The following ABL2 variants were observed in gnomAD, a reference collection of about 807,000 sequenced individuals.
ABL2 encodes the protein ABL proto-oncogene 2, non-receptor tyrosine kinase.
In ABL2, 49 loss-of-function variants were observed where a neutral mutation model predicts 107.7. The ratio of observed to expected loss-of-function variants is 0.45; its 90% CI spans 0.36 to 0.58. The LOEUF (loss-of-function observed/expected upper bound fraction) is 0.58. Among genes scored for constraint, ABL2 ranks in the 20% least tolerant of loss-of-function variants. The pLI is 0.00. For synonymous variants in ABL2, 549 were observed against 548.6 expected (o/e 1.00, Z -0.01); for missense variants, 1,245 against 1,457.0 (o/e 0.85, Z 2.37).
At chr1:179,150,909 C>T (rs148105944) in intron 1 of ABL2, among the ~76,000 whole-genome samples, 1 of 152,308 alleles carries the variant, frequency 6.6e-6, no homozygotes, top group Non-Finnish European at 1.5e-5. Flanking sequence ...CTGATCTCAG[C>T]AGCCATCAAT....
chr1:179,221,804 A>C (rs913328042), intron 1 of ABL2: 11 of 248,810 alleles, frequency 4.4e-5, no homozygotes, highest in Non-Finnish European at 2.5e-5. Context: ...AAAAAAAAAA[A>C]AAAACGTATT....
At chr1:179,143,862 A>G (rs1013633795) in intron 1 of ABL2, among the ~76,000 whole-genome samples, 43 of 151,524 alleles carry the variant, frequency 2.8e-4, no homozygotes, top group African/African-American at 1.0e-3. Flanking sequence ...ACGCCCAGCT[A>G]ATTTTTTGTA....
intron 1 of ABL2, among the ~76,000 whole-genome samples, chr1:179,194,326 G>T (rs2102827739): frequency 6.6e-6 from 1 of 152,198 alleles, no homozygotes; most frequent in South Asian, 2.1e-4. Flanking sequence ...AACGGGCAAA[G>T]GAAGTTTTTA....
Position 179,229,432 on chromosome 1 carries a change from C to A in ABL2, c.-35G>T. 1 of 1,476,350 alleles carries A rather than the reference C, an allele frequency of 6.8e-7. No individual in the cohort carries two copies. Among genetic ancestry groups the A allele is most frequent in the Non-Finnish European group, 8.9e-7 (1 of 1,125,048 alleles). The allele number at this position is 1,476,350 out of a possible 1,614,324, so 91.5% of individuals were successfully genotyped here. ...CGCGTACTCCCGCGCCCCCGCCGAC[C>A]CCTGGTCACATTCCTCCTCGGCTCC... On this transcript the variant is annotated 5_prime_UTR_variant, in exon 1 of 12. Coordinates refer to ENST00000502732, the MANE Select transcript of ABL2 (RefSeq NM_007314.4).
At chr1:179,161,902 A>G (rs1038064832) in intron 1 of ABL2, among the ~76,000 whole-genome samples, 6 of 152,102 alleles carry the variant, frequency 3.9e-5, no homozygotes, top group Non-Finnish European at 8.8e-5. Context: ...TCAATATAAA[A>G]TAGCTTGAGG....
rs770219453 is a variant in ABL2, at chr1:179,108,753, C to T, written c.2514G>A (p.Glu838=). 4.9e-5 allele frequency: 79 copies of T among 1,614,068 alleles called. No individual in the cohort carries two copies. Among genetic ancestry groups the T allele is most frequent in the Non-Finnish European group, 6.3e-5 (74 of 1,180,048 alleles). Residue 838 remains glutamate, a synonymous_variant, in exon 12 of 12, where the codon GAG becomes GAA. Transcript: ENST00000502732. ...TCTCCCTGCTTGGAGCAGCACTTTC[C>T]TCTGATTTTTTTGGAAGCATGTCAT... is the stretch of plus-strand genomic sequence containing the variant. ...RANDMLPKKS[E]ESAAPSRERP...
chr1:179,139,362 G>A (rs557315148), intron 1 of ABL2, among the ~76,000 whole-genome samples: 2 of 151,978 alleles, frequency 1.3e-5, no homozygotes, highest in South Asian at 2.1e-4. Context: ...CTGAGCCAGC[G>A]AGACCACGAA....
chr1:179,161,131 A>G (rs1438106403), intron 1 of ABL2, among the ~76,000 whole-genome samples: 1 of 152,204 alleles, frequency 6.6e-6, no homozygotes, highest in African/African-American at 2.4e-5. Flanking sequence ...AGGGTCATTA[A>G]CAGAGAACAT....
intron 1 of ABL2, among the ~76,000 whole-genome samples, chr1:179,183,219 G>C (rs921037717): frequency 1.1e-4 from 16 of 152,044 alleles, no homozygotes; most frequent in Non-Finnish European, 2.2e-4. Context: ...GGACACTGGA[G>C]ACTCAGTGGG....
chr1:179,108,955 C>G lies in ABL2; in HGVS notation c.2312G>C (p.Ser771Thr), dbSNP rs1653761682. The G allele has an allele frequency of 2.5e-6, 4 of 1,614,172 alleles. No homozygotes were observed. The change falls in exon 12 of 12, where the codon AGT becomes ACT. Residue 771 changes from serine to threonine, a missense_variant. Physicochemically the swap from Ser to Thr is moderately conservative, Grantham distance 58 (BLOSUM62 1). Around this residue, in one of 3 missense-constraint regions of ABL2, gnomAD observed 761 missense variants for 766.4 expected, o/e 0.99. Coordinates refer to ENST00000502732, the MANE Select transcript of ABL2 (RefSeq NM_007314.4). ...TGGAAAAGGCTTGGAAGTGTCATCACTGGCTGTGGGTTTACCTGCTCGTAA... is the reference window on the plus strand; with the variant it reads ...TGGAAAAGGCTTGGAAGTGTCATCAGTGGCTGTGGGTTTACCTGCTCGTAA... Reference protein sequence around the residue: ...LGLRAGKPTASDDTSKPFPRS... With the variant: ...LGLRAGKPTATDDTSKPFPRS...
chr1:179,195,699 C>T (rs1305738781), intron 1 of ABL2, among the ~76,000 whole-genome samples: 1 of 151,868 alleles, frequency 6.6e-6, no homozygotes, highest in Non-Finnish European at 1.5e-5. Flanking sequence ...TCATTCAGCC[C>T]TTAAATAAAA....
chr1:179,177,763 T>C (rs1023962955), intron 1 of ABL2, among the ~76,000 whole-genome samples: 2 of 152,194 alleles, frequency 1.3e-5, no homozygotes, highest in Admixed American at 6.5e-5. Context: ...GAAACCAGTA[T>C]AAAAGTAGCT....
At position 179,161,282 on chromosome 1, in the gene ABL2, C is replaced by T. The variant is rs1275277592; in HGVS notation, c.158-27908G>A. Among the ~76,000 whole-genome samples the T allele has an allele frequency of 2.0e-5, 3 of 151,206 alleles. No homozygotes were observed. The East Asian group carries it at 5.8e-4, about 29-fold the overall frequency. The stretch of plus-strand genomic sequence containing the variant: ...TCTGTAATTCCAGCTTCTTGGGAGG[C>T]TCAGGTAGGAGGATCACTTGAACTC... On this transcript the variant is annotated intron_variant, in intron 1 of 11. Coordinates refer to ENST00000502732, the MANE Select transcript of ABL2 (RefSeq NM_007314.4).
chr1:179,109,122 G>C lies in ABL2; in HGVS notation c.2145C>G (p.Pro715=). 1 of 1,600,198 alleles carries C rather than the reference G, an allele frequency of 6.2e-7. No homozygotes were observed. The highest frequency in any genetic ancestry group is 8.5e-7 in the Non-Finnish European group (1 of 1,178,390). ...GTGCAAAGCTCCCCCCATAGCACTT[G>C]GGTGGCACCAGATTCGCCTCTTGCT... The part of the protein sequence containing the change: ...PAQQEANLVP[P]KCYGGSFAQR... The change falls in exon 12 of 12, where the codon CCC becomes CCG. Residue 715 remains proline (P), a synonymous_variant. Coordinates refer to ENST00000502732, the MANE Select transcript of ABL2 (RefSeq NM_007314.4).
chr1:179,218,192 AT>A (rs78014047), intron 1 of ABL2, among the ~76,000 whole-genome samples: 66,839 of 151,864 alleles, frequency 0.44, 14,941 homozygotes, highest in Admixed American at 0.51. Flanking sequence ...ATAACTCCAG[AT>A]TTTTTTCAAA....
At chr1:179,214,659 C>A (rs1248584251) in intron 1 of ABL2, among the ~76,000 whole-genome samples, 3 of 150,788 alleles carry the variant, frequency 2.0e-5, no homozygotes, top group Non-Finnish European at 3.0e-5. Flanking sequence ...AATATATATA[C>A]CCTTCGGATG....
rs558844101 is a variant in ABL2, at chr1:179,137,649, G to A, written c.158-4275C>T. On this transcript the variant is annotated intron_variant, in intron 1 of 11. Coordinates refer to ENST00000502732, the MANE Select transcript of ABL2 (RefSeq NM_007314.4). ...GAAGCCAACTCTTAACCCCTATCAG[G>A]ACAAAACCAGCAAATGTCATATAGT... 8 of 152,180 alleles carry A rather than the reference G, an allele frequency of 5.3e-5. No individual in the cohort carries two copies. In the South Asian group the frequency reaches 1.7e-3, roughly 32 times the overall value. The allele number at this position is 152,180 out of a possible 1,614,324, so 9.4% of individuals were successfully genotyped here.
chr1:179,143,760 G>A (rs554395770), intron 1 of ABL2, among the ~76,000 whole-genome samples: 9 of 152,296 alleles, frequency 5.9e-5, no homozygotes, highest in East Asian at 3.9e-4. Flanking sequence ...GCAGTGGCGC[G>A]ATCTCGGCTC....
In ABL2 at chr1:179,126,457, T is replaced by A; in HGVS notation, c.607A>T (p.Ser203Cys). ...GSFLVRESES[S>C]PGQLSISLRY... is the part of the protein sequence containing the mutation. The stretch of plus-strand genomic sequence containing the variant: ...AGCGAGATGGACAGCTGCCCAGGGC[T>A]ACTCTCACTTTCTCGCACCAGGAAG... Residue 203 changes from serine (S) to cysteine (C), a missense_variant, in exon 4 of 12, where the codon AGC becomes TGC. Transcript: ENST00000502732. This position sits in a 1 kb window ranked among gnomAD's most constrained non-coding sequence, Gnocchi z 4.4. 2 of 1,614,194 alleles carry A rather than the reference T, an allele frequency of 1.2e-6. No homozygotes were observed. The highest frequency in any genetic ancestry group is 1.7e-6 in the Non-Finnish European group (2 of 1,180,040).
Sources: gnomAD v4.1 joint callset for allele counts (sites outside exome capture counted in the v4.1 genomes callset) on GRCh38, gnomAD v4.1.1 for gene constraint, gnomAD v4.1.1 regional missense constraint, Gnocchi (gnomAD v3.1) non-coding constraint, MANE v1.5 for transcripts, NCBI Gene and HGNC (gene_info 2026-07-23, HGNC 2026-07-21) for gene names.